Variants in DYNC2H1 observed in about 807,000 individuals in gnomAD.
The protein encoded by DYNC2H1 is dynein cytoplasmic 2 heavy chain 1, also known as cytoplasmic dynein 2 heavy chain 1.
In DYNC2H1, 410 loss-of-function variants were observed where a neutral mutation model predicts 570.0. The observed-to-expected ratio is 0.72, with a 90% CI of 0.66 to 0.78. The LOEUF is 0.78. Ranked by LOEUF, DYNC2H1 falls within the 30% of genes least tolerant of loss-of-function variation. The probability of loss-of-function intolerance (pLI) is 0.00; values close to 1 mark genes in which losing one functional copy is unlikely to be tolerated. For missense variants in DYNC2H1, 4,865 were observed against 5,046.4 expected (o/e 0.96, Z 1.09); for synonymous variants, 1,688 against 1,677.6 (o/e 1.01, Z -0.15).
Position 103,363,401 on chromosome 11 carries a change from A to G in DYNC2H1, c.12156+5042A>G, listed in dbSNP as rs1016425689. 3.3e-5 allele frequency among the ~76,000 whole-genome samples: 5 copies of G among 152,178 alleles called. No individual in the cohort carries two copies. The highest frequency in any genetic ancestry group is 4.8e-5 in the African/African-American group (2 of 41,428). The stretch of plus-strand genomic sequence containing the variant: ...TTCAACTGAGAGAGAATGTTTATCC[A>G]GCCACTCTAAAGATTCTGGAATTTA... On this transcript the variant is annotated intron_variant, in intron 83 of 88. Transcript: ENST00000375735. This position sits in a 1 kb window ranked among gnomAD's most constrained non-coding sequence, Gnocchi z 5.6.
chr11:103,270,967 G>C (rs1224870482), intron 70 of DYNC2H1, among the ~76,000 whole-genome samples: 1 of 152,146 alleles, frequency 6.6e-6, no homozygotes, highest in Non-Finnish European at 1.5e-5. Flanking sequence ...GGTGGAATAT[G>C]AGGAGAAATT....
In DYNC2H1 at chr11:103,200,133, A is replaced by G; in HGVS notation, c.8176A>G (p.Ile2726Val). The G allele has an allele frequency of 6.3e-7, 1 of 1,576,458 alleles. No individual in the cohort carries two copies. The highest frequency in any genetic ancestry group is 8.6e-7 in the Non-Finnish European group (1 of 1,159,858). The change falls in exon 50 of 89, where the codon ATC becomes GTC. Residue 2726 changes from isoleucine to valine, a missense_variant. By Grantham distance (29) the Ile-to-Val change is conservative (BLOSUM62 3). Coordinates refer to ENST00000375735, the MANE Select transcript of DYNC2H1 (RefSeq NM_001377.3). Reference sequence around the variant, plus strand: ...TGTACATCCTACATTTTTGGAGATGATCAATAGCCTTTTGTCTTCAGGCAA... The same window carrying G: ...TGTACATCCTACATTTTTGGAGATGGTCAATAGCCTTTTGTCTTCAGGCAA... The part of the protein sequence containing the change: ...QFVHPTFLEM[I>V]NSLLSSGEVP...
At position 103,120,971 on chromosome 11, in the gene DYNC2H1, C is replaced by A; in HGVS notation, c.1295C>A (p.Thr432Asn). 4 of 1,582,688 alleles carry A rather than the reference C, an allele frequency of 2.5e-6. No homozygotes were observed. The highest frequency in any genetic ancestry group is 3.4e-6 in the Non-Finnish European group (4 of 1,166,024). Reference protein sequence around the residue: ...LKYKELVKRPTISKELMLERE... With the variant: ...LKYKELVKRPNISKELMLERE... ...TATAAAGAGTTGGTAAAGCGTCCAA[C>A]TATAAGCAAAGAATTGATGTTAGAA... Residue 432 changes from threonine to asparagine, a missense_variant, in exon 9 of 89, where the codon ACT becomes AAT. Physicochemically the swap from Thr to Asn is moderately conservative, Grantham distance 65. Coordinates refer to ENST00000375735, the MANE Select transcript of DYNC2H1 (RefSeq NM_001377.3).
At position 103,220,708 on chromosome 11, in the gene DYNC2H1, A is replaced by T. The variant is rs1863552687; in HGVS notation, c.9032A>T (p.Asp3011Val). 1 of 1,613,224 alleles carries T rather than the reference A, an allele frequency of 6.2e-7. No homozygotes were observed. Among genetic ancestry groups the T allele is most frequent in the East Asian group, 2.2e-5 (1 of 44,788 alleles). ...ATTCGCTCACTACGCATGCCACCTGATGTAATTAGAGATATTCTTGAAGGA... is the reference window on the plus strand; with the variant it reads ...ATTCGCTCACTACGCATGCCACCTGTTGTAATTAGAGATATTCTTGAAGGA... The part of the protein sequence containing the change: ...SEIRSLRMPP[D>V]VIRDILEGVL... The change falls in exon 57 of 89, where the codon GAT becomes GTT. Residue 3011 changes from aspartate (D) to valine (V), a missense_variant. By Grantham distance (152) the Asp-to-Val change is radical. Coordinates refer to ENST00000375735, the MANE Select transcript of DYNC2H1 (RefSeq NM_001377.3).
In DYNC2H1 at chr11:103,188,536, T is replaced by C; in HGVS notation, c.7180T>C (p.Trp2394Arg). 1.2e-6 allele frequency: 2 copies of C among 1,607,988 alleles called. No homozygotes were observed. Among genetic ancestry groups the C allele is most frequent in the Non-Finnish European group, 1.7e-6 (2 of 1,176,278 alleles). The change falls in exon 44 of 89, where the codon TGG becomes CGG. Residue 2394 changes from tryptophan to arginine, a missense_variant. Physicochemically the swap from Trp to Arg is moderately radical, Grantham distance 101. This residue lies in a region of DYNC2H1 where 2,401 missense variants were observed against 2,454.6 expected (regional missense o/e 0.98). Transcript: ENST00000375735. The stretch of plus-strand genomic sequence containing the variant: ...AGGATTTTATGATGAAAATTTGGAA[T>C]GGGTTGGTCTAGAAAATATTCAAAT... ...YQGFYDENLEWVGLENIQIVA... is the reference protein window; with the variant it reads ...YQGFYDENLERVGLENIQIVA...
chr11:103,412,048 G>A (rs984577106), intron 84 of DYNC2H1, among the ~76,000 whole-genome samples: 2 of 152,106 alleles, frequency 1.3e-5, no homozygotes, highest in African/African-American at 4.8e-5. Flanking sequence ...CTTTCACTAA[G>A]ATCAGATCAG....
chr11:103,450,047 G>A (rs1345117699), intron 85 of DYNC2H1, among the ~76,000 whole-genome samples: 1 of 152,058 alleles, frequency 6.6e-6, no homozygotes, highest in Admixed American at 6.6e-5. Context: ...AAAGAAAGCT[G>A]GTGTAGCTAT....
At chr11:103,297,681 C>T (rs776989100) in intron 75 of DYNC2H1, among the ~76,000 whole-genome samples, 3 of 152,078 alleles carry the variant, frequency 2.0e-5, no homozygotes, top group Non-Finnish European at 4.4e-5. Context: ...ATACATGGTC[C>T]ATCGTTGATT....
At chr11:103,375,394 G>A (rs1255303245) in intron 83 of DYNC2H1, among the ~76,000 whole-genome samples, 5 of 152,176 alleles carry the variant, frequency 3.3e-5, no homozygotes, top group Non-Finnish European at 5.9e-5. Flanking sequence ...GTGGAGCTGT[G>A]AAAAGAAGGC....
At position 103,174,124 on chromosome 11, in the gene DYNC2H1, T is replaced by A; in HGVS notation, c.5628T>A (p.Ser1876Arg). 6.3e-7 allele frequency: 1 copy of A among 1,589,366 alleles called. No homozygotes were observed. Among genetic ancestry groups the A allele is most frequent in the East Asian group, 2.3e-5 (1 of 44,116 alleles). ...LRALKTVLRG[S>R]GNLLRQLNKS... ...CTTTGAAGACAGTTCTGAGAGGAAG[T>A]GGAAATCTCCTTAGACAGCTAAACA... The change falls in exon 36 of 89, where the codon AGT becomes AGA. Residue 1876 changes from serine (S) to arginine (R), a missense_variant. Coordinates refer to ENST00000375735, the MANE Select transcript of DYNC2H1 (RefSeq NM_001377.3).
chr11:103,133,514 G>C lies in DYNC2H1; in HGVS notation c.1954-41G>C. 6.5e-7 allele frequency: 1 copy of C among 1,536,222 alleles called. No individual in the cohort carries two copies. Among genetic ancestry groups the C allele is most frequent in the Non-Finnish European group, 8.7e-7 (1 of 1,149,464 alleles). On this transcript the variant is annotated intron_variant, in intron 13 of 88. Coordinates refer to ENST00000375735, the MANE Select transcript of DYNC2H1 (RefSeq NM_001377.3). This position sits in a 1 kb window ranked among gnomAD's most constrained non-coding sequence, Gnocchi z 4.8. The stretch of plus-strand genomic sequence containing the variant: ...AGAATATTGAAACTTTTGGAAAAAA[G>C]AAATACTTATACATACTAAAGGTTA...
At chr11:103,117,968 T>A (rs1858502187) in intron 6 of DYNC2H1, 105 bp downstream of exon 6, 2 of 960,912 alleles carry the variant, frequency 2.1e-6, no homozygotes, top group Non-Finnish European at 2.8e-6. Flanking sequence ...CTGCTGGAAA[T>A]TAGTTTTGTG....
intron 52 of DYNC2H1, among the ~76,000 whole-genome samples, chr11:103,207,707 T>A (rs79636317): frequency 0.025 from 3,862 of 152,080 alleles, 177 homozygotes; most frequent in African/African-American, 0.088. Flanking sequence ...TTAGTGATCA[T>A]GGAGTTCAGT....
intron 39 of DYNC2H1, among the ~76,000 whole-genome samples, chr11:103,180,219 G>A (rs1020524232): frequency 6.6e-6 from 1 of 151,494 alleles, no homozygotes; most frequent in Non-Finnish European, 1.5e-5. Flanking sequence ...TAGAATAAAG[G>A]TAAGTTTTTA....
Position 103,170,263 on chromosome 11 carries a change from A to G in DYNC2H1, c.5124A>G (p.Arg1708=). Residue 1708 remains arginine, a synonymous_variant, in exon 33 of 89, where the codon AGA becomes AGG. Transcript: ENST00000375735. The surrounding 1 kb of genome is among the most constrained non-coding windows in gnomAD (Gnocchi z 4.8). ...AGGCTTTAGGTGGACTTCTTGGAAG[A>G]CAAGTTTTAGTCTTTAATTGTGATG... The part of the protein sequence containing the change: ...SVKALGGLLG[R]QVLVFNCDEG... 1 of 1,603,816 alleles carries G rather than the reference A, an allele frequency of 6.2e-7. No individual in the cohort carries two copies. The highest frequency in any genetic ancestry group is 8.5e-7 in the Non-Finnish European group (1 of 1,175,712).
Position 103,220,715 on chromosome 11 carries a change from TA to T in DYNC2H1, c.9040del (p.Arg3014GlufsTer8). 6.2e-7 allele frequency: 1 copy of T among 1,613,204 alleles called. No homozygotes were observed. Among genetic ancestry groups the T allele is most frequent in the Non-Finnish European group, 8.5e-7 (1 of 1,179,366 alleles). On this transcript the variant is annotated frameshift_variant, in exon 57 of 89. Coordinates refer to ENST00000375735, the MANE Select transcript of DYNC2H1 (RefSeq NM_001377.3). LOFTEE classifies it high-confidence loss of function. The part of the protein sequence containing the change: ...RSLRMPPDVI[R>X]DILEGVLRLM... ...CACTACGCATGCCACCTGATGTAAT[TA>T]GAGATATTCTTGAAGGAGTTTTAAG...
chr11:103,477,549 T>A (rs1945593791), intron 88 of DYNC2H1, among the ~76,000 whole-genome samples: 1 of 152,094 alleles, frequency 6.6e-6, no homozygotes, highest in African/African-American at 2.4e-5. Context: ...AATTATCAAT[T>A]GGCCGGATGC....
At chr11:103,110,306 C>T (rs1356357724) in intron 1 of DYNC2H1, among the ~76,000 whole-genome samples, 4 of 152,126 alleles carry the variant, frequency 2.6e-5, no homozygotes, top group Admixed American at 2.0e-4. Flanking sequence ...GCCACCGCGC[C>T]CGGCCTATAT....
At chr11:103,222,845 C>A in intron 58 of DYNC2H1, 120 bp from the exon 59 acceptor site, 1 of 1,190,174 alleles carries the variant, frequency 8.4e-7, no homozygotes, top group Non-Finnish European at 1.2e-6. Flanking sequence ...TAGCTATAAG[C>A]CAAAAAACTA....
Sources: allele counts gnomAD v4.1 joint callset (sites outside exome capture counted in the v4.1 genomes callset), GRCh38; gene constraint gnomAD v4.1.1; regional missense constraint gnomAD v4.1.1; non-coding constraint Gnocchi (gnomAD v3.1); transcripts MANE v1.5; gene names NCBI Gene and HGNC (gene_info 2026-07-23, HGNC 2026-07-21).